The following HOMER2 variants were observed in gnomAD, a reference collection of about 807,000 sequenced individuals.
HOMER2 encodes the protein homer scaffold protein 2.
In HOMER2, 27 loss-of-function variants were observed where a neutral mutation model predicts 47.0. The observed-to-expected ratio is 0.57, with a 90% CI of 0.42 to 0.79. The LOEUF is 0.79. HOMER2 is among the 30% of genes least tolerant of loss of function. The probability of loss-of-function intolerance (pLI) is 0.00; values close to 1 mark genes in which losing one functional copy is unlikely to be tolerated. For synonymous variants in HOMER2, 161 were observed against 163.8 expected, an observed-to-expected ratio of 0.98 and a Z score of 0.13; for missense variants, 443 against 435.0, an observed-to-expected ratio of 1.02 and a Z score of -0.16.
intron 5 of HOMER2, among the ~76,000 whole-genome samples, chr15:82,858,539 G>A (rs952181510): frequency 3.9e-5 from 6 of 152,088 alleles, no homozygotes; most frequent in African/African-American, 1.4e-4. Flanking sequence ...CAAGTGATCC[G>A]CCTGCCTTGG....
upstream of HOMER2, chr15:82,985,998 A>G: frequency 2.3e-6 from 2 of 881,022 alleles, no homozygotes; most frequent in Non-Finnish European, 2.7e-6. Context: ...ATAGACGGCG[A>G]CGTTTTCGAC....
At chr15:82,903,094 AG>A (rs1280149728) in intron 1 of HOMER2, among the ~76,000 whole-genome samples, 2 of 152,216 alleles carry the variant, frequency 1.3e-5, no homozygotes, top group Admixed American at 1.3e-4. Context: ...TACAATTTAG[AG>A]GGATCACTGT....
chr15:82,851,777 A>C (rs1176320766), intron 7 of HOMER2, among the ~76,000 whole-genome samples: 1 of 152,208 alleles, frequency 6.6e-6, no homozygotes, highest in East Asian at 1.9e-4. Flanking sequence ...AAATAAATAC[A>C]TTTTAAATTT....
At chr15:82,847,978 A>AT (rs1353744348), downstream of HOMER2, among the ~76,000 whole-genome samples, 2 of 152,154 alleles carry the variant, frequency 1.3e-5, no homozygotes, top group Non-Finnish European at 2.9e-5. Flanking sequence ...AATCACAAAG[A>AT]TGGCTGGCCA....
At chr15:82,944,783 G>A (rs1449306122) in intron 1 of HOMER2, among the ~76,000 whole-genome samples, 4 of 151,808 alleles carry the variant, frequency 2.6e-5, no homozygotes, top group Non-Finnish European at 5.9e-5. Flanking sequence ...TACTAAAACA[G>A]GAAATATAAT....
upstream of HOMER2, among the ~76,000 whole-genome samples, chr15:82,956,332 C>T (rs1015423231): frequency 5.3e-5 from 8 of 151,178 alleles, no homozygotes; most frequent in African/African-American, 9.7e-5. Flanking sequence ...GAAACTGCAA[C>T]GGCCCTGAGG....
At chr15:82,869,274 A>G (rs1336860186) in intron 3 of HOMER2, among the ~76,000 whole-genome samples, 2 of 152,060 alleles carry the variant, frequency 1.3e-5, no homozygotes, top group Admixed American at 1.3e-4. Flanking sequence ...CTGCAACACC[A>G]TCATCCAAGA....
exon 2 of HOMER2, chr15:82,842,166 GAAACATA>G (rs1215969121): frequency 6.6e-6 from 1 of 152,058 alleles, no homozygotes; most frequent in African/African-American, 2.4e-5. Flanking sequence ...GATAGGCTGA[GAAACATA>G]AAACATAAAT....
chr15:82,978,142 C>T (rs2151262154), intron 1 of HOMER2, among the ~76,000 whole-genome samples: 1 of 151,850 alleles, frequency 6.6e-6, no homozygotes, highest in African/African-American at 2.4e-5. Flanking sequence ...AGAGGGAGAC[C>T]CCATATTGAA....
intron 1 of HOMER2, among the ~76,000 whole-genome samples, chr15:82,961,247 C>T (rs1427794845): frequency 6.6e-6 from 1 of 152,208 alleles, no homozygotes; most frequent in East Asian, 1.9e-4. Flanking sequence ...TCTCACAGTC[C>T]CCACTTACTC....
rs374856836 is a variant in HOMER2, at chr15:82,892,799, A to T, written c.48T>A (p.Ile16=). 4 of 1,604,576 alleles carry T rather than the reference A, an allele frequency of 2.5e-6. No homozygotes were observed. The highest frequency in any genetic ancestry group is 1.3e-5 in the African/African-American group (1 of 74,832). The change falls in exon 2 of 9, where the codon ATT becomes ATA. Residue 16 remains isoleucine (I), a synonymous_variant. Transcript: ENST00000450735. ...IFTTRAHVFQ[I]DPNTKKNWMP... ...TCCAGTTCTTCTTGGTGTTGGGGTCAATCTGGAAGACATGCGCTCGGGTGG... is the reference window on the plus strand; with the variant it reads ...TCCAGTTCTTCTTGGTGTTGGGGTCTATCTGGAAGACATGCGCTCGGGTGG...
chr15:82,892,450 A>C (rs1271363055), intron 2 of HOMER2, among the ~76,000 whole-genome samples: 1 of 152,252 alleles, frequency 6.6e-6, no homozygotes, highest in African/African-American at 2.4e-5. Context: ...AATTAAGAGC[A>C]TTATAGGCCG....
At chr15:82,924,360 C>CT (rs11318640) in intron 1 of HOMER2, among the ~76,000 whole-genome samples, 3,838 of 127,582 alleles carry the variant, frequency 0.03, 76 homozygotes, top group Admixed American at 0.034. Context: ...TGTGCTGGCC[C>CT]TTTTTTTTTT....
chr15:82,863,491 G>A (rs2051860846), intron 4 of HOMER2, among the ~76,000 whole-genome samples: 1 of 152,122 alleles, frequency 6.6e-6, no homozygotes, highest in South Asian at 2.1e-4. Flanking sequence ...GCAGACTCCT[G>A]GCTATCTTGC....
downstream of HOMER2, chr15:82,846,568 T>TGGATGC (rs960795214): frequency 3.9e-5 from 6 of 152,242 alleles, no homozygotes; most frequent in African/African-American, 1.4e-4. Flanking sequence ...CCAGGAGACC[T>TGGATGC]GGATGCAGAG....
At chr15:82,972,131 C>T (rs2079428376) in intron 1 of HOMER2, among the ~76,000 whole-genome samples, 1 of 152,170 alleles carries the variant, frequency 6.6e-6, no homozygotes. Context: ...GCAGCCATCA[C>T]CCCTATGTAG....
Position 82,849,636 on chromosome 15 carries a change from C to T in HOMER2, c.*79G>A. On this transcript the variant is annotated 3_prime_UTR_variant, in exon 9 of 9. Transcript: ENST00000450735. ...CGCCTGCATTTACAGAAGCAATGCA[C>T]ACAGAAGAACGTCCTAGAGCTATCT... is the stretch of plus-strand genomic sequence containing the variant. 1 of 1,303,142 alleles carries T rather than the reference C, an allele frequency of 7.7e-7. No individual in the cohort carries two copies. The highest frequency in any genetic ancestry group is 1.5e-5 in the African/African-American group (1 of 67,662). The allele number at this position is 1,303,142 out of a possible 1,614,324, so 80.7% of individuals were successfully genotyped here. A position where few individuals can be genotyped will look rare whatever the true frequency, so the allele number is the denominator to read the frequency against.
At chr15:82,860,938 AAGATAGAAGAT>A (rs1382168877) in intron 4 of HOMER2, among the ~76,000 whole-genome samples, 18 of 112,448 alleles carry the variant, frequency 1.6e-4, no homozygotes, top group African/African-American at 5.5e-4. Context: ...CTCTGTCTCA[AAGATAGAAGAT>A]AGAAGATGAG....
Position 82,902,197 on chromosome 15 carries a change from A to ATTTTTTTT in HOMER2, c.6-9364_6-9357dup, listed in dbSNP as rs35594463. ...CTAAGAACTGGAAAACATCCAAGTG[A>ATTTTTTTT]TTTTTTTTTTTTTTTTTTGAGACCG... On this transcript the variant is annotated intron_variant, in intron 1 of 8. Coordinates refer to ENST00000450735, the MANE Select transcript of HOMER2 (RefSeq NM_004839.4). 3.0e-5 allele frequency among the ~76,000 whole-genome samples: 4 copies of ATTTTTTTT among 135,072 alleles called. No individual in the cohort carries two copies. In the East Asian group the frequency reaches 8.5e-4, roughly 29 times the overall value. The allele number at this position is 135,072 out of a possible 152,430, so 88.6% of individuals were successfully genotyped here. A position where few individuals can be genotyped will look rare whatever the true frequency, so the allele number is the denominator to read the frequency against.
Sources: gnomAD v4.1 joint callset for allele counts (sites outside exome capture counted in the v4.1 genomes callset) on GRCh38, gnomAD v4.1.1 for gene constraint, MANE v1.5 for transcripts, NCBI Gene and HGNC (gene_info 2026-07-23, HGNC 2026-07-21) for gene names.